VSX1: variants seen among roughly 807,000 people sequenced by gnomAD.
VSX1 encodes homeodomain protein RINX.
Under a neutral mutation model 23.6 loss-of-function variants are expected in VSX1, and 23 were observed. The ratio of observed to expected loss-of-function variants is 0.97; its 90% confidence interval spans 0.70 to 1.38. VSX1 has a LOEUF of 1.38. Among genes scored for constraint, VSX1 ranks in the 40% most tolerant of loss-of-function variants. The pLI is 0.00. For missense variants in VSX1, 517 were observed against 495.4 expected, an observed-to-expected ratio of 1.04 and a Z score of -0.41; for synonymous variants, 247 against 215.1, an observed-to-expected ratio of 1.15 and a Z score of -1.30.
chr20:25,073,451 G>T (rs1225889707), downstream of VSX1, among the ~76,000 whole-genome samples: 2 of 152,104 alleles, frequency 1.3e-5, no homozygotes, highest in Non-Finnish European at 2.9e-5. Flanking sequence ...TGACCTATTG[G>T]TTGGCTGGTT....
downstream of VSX1, chr20:25,072,060 A>T: frequency 4.9e-6 from 3 of 612,490 alleles, no homozygotes; most frequent in Non-Finnish European, 8.9e-6. Context: ...TCTTGCATAT[A>T]TGTAGATAGA....
At chr20:25,080,352 G>A (rs1271900838) in intron 1 of VSX1, among the ~76,000 whole-genome samples, 1 of 152,176 alleles carries the variant, frequency 6.6e-6, no homozygotes, top group African/African-American at 2.4e-5. Flanking sequence ...TCTGTATTGG[G>A]CTGTCCAACC....
chr20:25,079,091 C>T, intron 2 of VSX1, 139 bp from the exon 3 acceptor site: 3 of 937,224 alleles, frequency 3.2e-6, no homozygotes, highest in Non-Finnish European at 4.9e-6. Flanking sequence ...CACCCCACCT[C>T]TGAATGATTA....
chr20:25,079,558 T>A, intron 1 of VSX1, 44 bp from the exon 2 acceptor site: 1 of 1,553,032 alleles, frequency 6.4e-7, no homozygotes, highest in Non-Finnish European at 8.8e-7. Context: ...GGTGATCATA[T>A]CCCCTCTATT....
intron 3 of VSX1, 195 bp from the exon 4 acceptor site, chr20:25,078,060 A>G: frequency 1.4e-6 from 1 of 697,346 alleles, no homozygotes; most frequent in Non-Finnish European, 2.4e-6. Context: ...AGCAGCGCCC[A>G]CGTGCGGTCC....
chr20:25,071,723 G>A (rs1458958771), downstream of VSX1: 1 of 679,810 alleles, frequency 1.5e-6, no homozygotes, highest in South Asian at 1.5e-5. Context: ...ATACGGAAAA[G>A]AACACACTGA....
chr20:25,082,136 G>A lies in VSX1; in HGVS notation c.-40C>T, dbSNP rs2089666531. 2.0e-6 allele frequency: 3 copies of A among 1,535,810 alleles called. No individual in the cohort carries two copies. The highest frequency in any genetic ancestry group is 2.6e-6 in the Non-Finnish European group (3 of 1,146,860). On this transcript the variant is annotated 5_prime_UTR_variant, in exon 1 of 5. The change creates a new upstream start codon in the 5' untranslated region. Transcript: ENST00000376709. The stretch of plus-strand genomic sequence containing the variant: ...CAAGGCGCGAGCCTCTCTGGATCCC[G>A]TTTGCGGAGGGCCCAGCTTAGAGGA...
intron 1 of VSX1, chr20:25,081,302 G>A (rs1163668828): frequency 6.3e-6 from 3 of 479,194 alleles, no homozygotes; most frequent in African/African-American, 1.9e-5. Context: ...CCACAGGCCC[G>A]GGCCTTCCCG....
downstream of VSX1, among the ~76,000 whole-genome samples, chr20:25,073,435 T>C (rs187478839): frequency 1.3e-5 from 2 of 152,346 alleles, no homozygotes; most frequent in Admixed American, 6.5e-5. Flanking sequence ...ACCTTCTGCA[T>C]AGGGATGACC....
rs532393597 is a variant in VSX1 at position 25,082,048 on chromosome 20, G to C, written c.49C>G (p.Leu17Val). Residue 17 changes from leucine to valine, a missense_variant, in exon 1 of 5, where the codon CTG becomes GTG. Physicochemically the swap from Leu to Val is conservative, Grantham distance 32 (BLOSUM62 1). Transcript: ENST00000376709. ...LSDGRTSSRA[L>V]VPGGSPRGSR... is the part of the protein sequence containing the mutation. ...CCCCTAGGGGAACCGCCAGGCACCA[G>C]CGCCCTGCTGCTAGTGCGCCCGTCG... 2.0e-4 allele frequency: 312 copies of C among 1,538,280 alleles called. 3 individuals carry two copies. The East Asian group carries it at 6.5e-3, about 32-fold the overall frequency.
At chr20:25,076,695 T>C in intron 4 of VSX1, 145 bp from the exon 5 acceptor site, 1 of 959,562 alleles carries the variant, frequency 1.0e-6, no homozygotes, top group African/African-American at 1.7e-5. Flanking sequence ...GAGAGGCAGG[T>C]AGGTAACTCC....
chr20:25,078,009 G>T, intron 3 of VSX1, 144 bp from the exon 4 acceptor site: 1 of 1,181,374 alleles, frequency 8.5e-7, no homozygotes, highest in Non-Finnish European at 1.2e-6. Flanking sequence ...AGCTCCCGAG[G>T]GCCAACCAGC....
At chr20:25,072,221 G>A (rs556791832), downstream of VSX1, among the ~76,000 whole-genome samples, 2 of 152,290 alleles carry the variant, frequency 1.3e-5, no homozygotes, top group East Asian at 3.9e-4. Flanking sequence ...CAAAACATCT[G>A]AAAGCTTTAT....
In VSX1 at chr20:25,076,304, G is replaced by C. The variant is rs200952122; in HGVS notation, c.1055C>G (p.Thr352Arg). ...CCCTGGCTGGGGCCCCTCCAGTGCCGTGGAGTTGGAGCCTCCTTGAGCACC... is the reference window on the plus strand; with the variant it reads ...CCCTGGCTGGGGCCCCTCCAGTGCCCTGGAGTTGGAGCCTCCTTGAGCACC... ...GAGAQGGSNS[T>R]ALEGPQPGKV... Residue 352 changes from threonine to arginine, a missense_variant, in exon 5 of 5, where the codon ACG becomes AGG. By Grantham distance (71) the Thr-to-Arg change is moderately conservative (BLOSUM62 -1). Coordinates refer to ENST00000376709, the MANE Select transcript of VSX1 (RefSeq NM_014588.6). 1.2e-6 allele frequency: 2 copies of C among 1,614,198 alleles called. No individual in the cohort carries two copies. The highest frequency in any genetic ancestry group is 1.7e-5 in the Admixed American group (1 of 60,024).
Position 25,081,907 on chromosome 20 carries a change from G to C in VSX1, c.190C>G (p.Pro64Ala), listed in dbSNP as rs2089656866. 1.3e-6 allele frequency: 2 copies of C among 1,528,868 alleles called. No homozygotes were observed. Among genetic ancestry groups the C allele is most frequent in the Admixed American group, 2.0e-5 (1 of 50,620 alleles). The allele number at this position is 1,528,868 out of a possible 1,614,324, so 94.7% of individuals were successfully genotyped here. A position where few individuals can be genotyped will look rare whatever the true frequency, so the allele number is the denominator to read the frequency against. Residue 64 changes from proline (P) to alanine (A), a missense_variant, in exon 1 of 5, where the codon CCG (proline) becomes GCG (alanine). By Grantham distance (27) the Pro-to-Ala change is conservative (BLOSUM62 -1). Coordinates refer to ENST00000376709, the MANE Select transcript of VSX1 (RefSeq NM_014588.6). ...GCEGPAVAPCPGPGLDGSSLA... is the reference protein window; with the variant it reads ...GCEGPAVAPCAGPGLDGSSLA... ...CTGGAGCCGTCAAGCCCCGGGCCCGGGCACGGCGCGACTGCCGGACCCTCG... is the reference window on the plus strand; with the variant it reads ...CTGGAGCCGTCAAGCCCCGGGCCCGCGCACGGCGCGACTGCCGGACCCTCG...
chr20:25,072,067 TAGAA>T (rs1228013202), downstream of VSX1: 14 of 608,960 alleles, frequency 2.3e-5, no homozygotes, highest in Admixed American at 3.6e-4. Context: ...TATATGTAGA[TAGAA>T]AGAGAGAGGG....
At position 25,079,524 on chromosome 20, in the gene VSX1, C is replaced by T. The variant is rs1446574708; in HGVS notation, c.425-10G>A. 1.2e-6 allele frequency: 2 copies of T among 1,607,688 alleles called. No individual in the cohort carries two copies. Among genetic ancestry groups the T allele is most frequent in the South Asian group, 1.1e-5 (1 of 89,606 alleles). On this transcript the variant is annotated splice_polypyrimidine_tract_variant and intron_variant, in intron 1 of 4. Coordinates refer to ENST00000376709, the MANE Select transcript of VSX1 (RefSeq NM_014588.6). ...GACTGGCTGTCCTCATCTGATGGCA[C>T]AGAAAGAAGAAGAGGACTTTAAGGG...
chr20:25,072,356 C>T (rs1457640123), downstream of VSX1, among the ~76,000 whole-genome samples: 1 of 152,198 alleles, frequency 6.6e-6, no homozygotes, highest in Non-Finnish European at 1.5e-5. Context: ...GTCCCAGTAA[C>T]TTACCAAAAA....
chr20:25,071,481 G>A (rs1205494178), downstream of VSX1: 1 of 428,698 alleles, frequency 2.3e-6, no homozygotes, highest in East Asian at 7.4e-5. Context: ...AACACTCAGG[G>A]TCTTTTTTTT....
Sources: allele counts gnomAD v4.1 joint callset (sites outside exome capture counted in the v4.1 genomes callset), GRCh38; gene constraint gnomAD v4.1.1; transcripts MANE v1.5; gene names NCBI Gene and HGNC (gene_info 2026-07-23, HGNC 2026-07-21).